Variants in BNC2 observed in about 807,000 individuals in gnomAD.
BNC2 encodes basonuclin zinc finger protein 2, also known as zinc finger protein basonuclin-2.
Under a neutral mutation model 76.3 loss-of-function variants are expected in BNC2, and 20 were observed. That is an observed-to-expected ratio of 0.26 (90% confidence interval 0.18 to 0.38). The LOEUF (loss-of-function observed/expected upper bound fraction) is 0.38. BNC2 is among the 10% of genes least tolerant of loss of function. BNC2 has a pLI of 1.00. For missense variants in BNC2, 1,382 were observed against 1,399.8 expected (o/e 0.99, Z 0.20); for synonymous variants, 582 against 514.8 (o/e 1.13, Z -1.77).
At chr9:16,560,719 C>T (rs1186909535) in intron 4 of BNC2, among the ~76,000 whole-genome samples, 1 of 152,048 alleles carries the variant, frequency 6.6e-6, no homozygotes, top group Admixed American at 6.6e-5. Flanking sequence ...AGAATGAGAC[C>T]GCATCTCTAA....
chr9:16,449,842 G>C (rs961271458), intron 5 of BNC2, among the ~76,000 whole-genome samples: 7 of 67,136 alleles, frequency 1.0e-4, no homozygotes, highest in Admixed American at 3.6e-4. Flanking sequence ...AAGGTGGGGC[G>C]GGGGGGGAGG....
At chr9:16,491,810 A>T (rs775755146) in intron 5 of BNC2, among the ~76,000 whole-genome samples, 1 of 152,216 alleles carries the variant, frequency 6.6e-6, no homozygotes, top group Non-Finnish European at 1.5e-5. Context: ...AACAAAGAAA[A>T]AGTTACTACT....
intron 3 of BNC2, among the ~76,000 whole-genome samples, chr9:16,586,129 G>T (rs899518258): frequency 1.9e-4 from 29 of 151,462 alleles, no homozygotes; most frequent in Non-Finnish European, 5.9e-5. Context: ...AAAGTTTGTC[G>T]TTCACAGAAT....
At chr9:16,517,711 A>AAATCATATC (rs1563820781) in intron 5 of BNC2, among the ~76,000 whole-genome samples, 1 of 152,224 alleles carries the variant, frequency 6.6e-6, no homozygotes, top group African/African-American at 2.4e-5. Context: ...GGAGACAAAA[A>AAATCATATC]AATCATATCA....
At chr9:16,724,472 T>C (rs1824254616) in intron 3 of BNC2, among the ~76,000 whole-genome samples, 1 of 152,088 alleles carries the variant, frequency 6.6e-6, no homozygotes, top group Non-Finnish European at 1.5e-5. Context: ...TTTACACAAG[T>C]GTCATACCCT....
intron 3 of BNC2, among the ~76,000 whole-genome samples, chr9:16,681,865 A>G (rs971728629): frequency 1.3e-5 from 2 of 152,202 alleles, no homozygotes; most frequent in African/African-American, 4.8e-5. Flanking sequence ...TCTGAATGAA[A>G]GACACCACAG....
chr9:16,484,280 T>G (rs1226838574), intron 5 of BNC2, among the ~76,000 whole-genome samples: 8 of 152,170 alleles, frequency 5.3e-5, no homozygotes, highest in Admixed American at 5.2e-4. Flanking sequence ...ACCCCCGAAA[T>G]AAAGCTCCTT....
At chr9:16,671,615 C>T (rs1822480312) in intron 3 of BNC2, among the ~76,000 whole-genome samples, 1 of 152,194 alleles carries the variant, frequency 6.6e-6, no homozygotes, top group South Asian at 2.1e-4. Context: ...ACTGGACATA[C>T]AGCTCATACT....
intron 3 of BNC2, among the ~76,000 whole-genome samples, chr9:16,630,821 C>T (rs1265310212): frequency 6.6e-6 from 1 of 150,772 alleles, no homozygotes; most frequent in Non-Finnish European, 1.5e-5. Context: ...CTCACTGCAA[C>T]CTCCGCCTCC....
intron 1 of BNC2, among the ~76,000 whole-genome samples, chr9:16,809,472 G>C (rs1467962259): frequency 6.6e-6 from 1 of 152,132 alleles, no homozygotes; most frequent in Non-Finnish European, 1.5e-5. Context: ...TTCTGTCACA[G>C]ACTTATGCAA....
chr9:16,772,146 G>A (rs1216287199), intron 1 of BNC2, among the ~76,000 whole-genome samples: 1 of 152,054 alleles, frequency 6.6e-6, no homozygotes, highest in African/African-American at 2.4e-5. Flanking sequence ...ACAATACAAA[G>A]TACAATGTAT....
At chr9:16,460,914 C>T (rs1386062071) in intron 5 of BNC2, among the ~76,000 whole-genome samples, 4 of 151,888 alleles carry the variant, frequency 2.6e-5, no homozygotes, top group South Asian at 2.1e-4. Context: ...GTGGCCTTAG[C>T]ATAAACCCAA....
chr9:16,654,291 A>T (rs1821868765), intron 3 of BNC2, among the ~76,000 whole-genome samples: 1 of 152,096 alleles, frequency 6.6e-6, no homozygotes. Flanking sequence ...GCTCATTTTC[A>T]TTCTAACTAG....
intron 5 of BNC2, among the ~76,000 whole-genome samples, chr9:16,514,393 G>C (rs1441762472): frequency 1.3e-5 from 2 of 152,174 alleles, no homozygotes; most frequent in Non-Finnish European, 2.9e-5. Context: ...AAGGAAGTGG[G>C]GCTTCAGTAT....
chr9:16,700,617 T>G (rs1386067785), intron 3 of BNC2, among the ~76,000 whole-genome samples: 4 of 152,118 alleles, frequency 2.6e-5, no homozygotes, highest in African/African-American at 4.8e-5. Context: ...GCTTGTAATT[T>G]TTTTTGCGGT....
intron 5 of BNC2, among the ~76,000 whole-genome samples, chr9:16,455,048 G>C (rs568055879): frequency 5.3e-5 from 8 of 152,174 alleles, no homozygotes; most frequent in Non-Finnish European, 1.0e-4. Flanking sequence ...AGGGACTAGA[G>C]ACTAAGTATG....
intron 3 of BNC2, among the ~76,000 whole-genome samples, chr9:16,636,201 G>A (rs936317730): frequency 1.3e-5 from 2 of 152,032 alleles, no homozygotes; most frequent in African/African-American, 4.8e-5. Context: ...TAATCATAAT[G>A]CTGAAAAATT....
At chr9:16,780,562 C>T (rs1455505510) in intron 1 of BNC2, among the ~76,000 whole-genome samples, 1 of 142,296 alleles carries the variant, frequency 7.0e-6, no homozygotes, top group Non-Finnish European at 1.5e-5. Context: ...CAGGGCAAGA[C>T]TCCGCCTTAA....
chr9:16,761,964 C>A (rs1267782901), intron 1 of BNC2, among the ~76,000 whole-genome samples: 1 of 151,918 alleles, frequency 6.6e-6, no homozygotes, highest in Non-Finnish European at 1.5e-5. Context: ...CTCAAAGTAC[C>A]AAAAATTAAA....
Sources: gnomAD v4.1 joint callset for allele counts (sites outside exome capture counted in the v4.1 genomes callset) on GRCh38, gnomAD v4.1.1 for gene constraint, MANE v1.5 for transcripts, NCBI Gene and HGNC (gene_info 2026-07-23, HGNC 2026-07-21) for gene names.